Variants in ERCC6L2 observed in about 807,000 individuals in gnomAD.
ERCC6L2 encodes ERCC excision repair 6 like 2.
Under a neutral mutation model 132.0 loss-of-function variants are expected in ERCC6L2, and 77 were observed. That is an observed-to-expected ratio of 0.58 (90% CI 0.49 to 0.71). ERCC6L2 has a LOEUF of 0.71. Ranked by LOEUF, ERCC6L2 falls within the 30% of genes least tolerant of loss-of-function variation. The pLI is 0.00. For missense variants in ERCC6L2, 1,542 were observed against 1,837.6 expected, an observed-to-expected ratio of 0.84 and a Z score of 2.94; for synonymous variants, 583 against 632.4, an observed-to-expected ratio of 0.92 and a Z score of 1.17.
intron 2 of ERCC6L2, among the ~76,000 whole-genome samples, chr9:95,897,195 G>C (rs895113981): frequency 6.6e-6 from 1 of 152,122 alleles, no homozygotes; most frequent in Non-Finnish European, 1.5e-5. Context: ...TATTCAGAGA[G>C]GTTAACGCCC....
At chr9:95,981,475 C>T (rs1454036759) in intron 17 of ERCC6L2, among the ~76,000 whole-genome samples, 2 of 151,990 alleles carry the variant, frequency 1.3e-5, no homozygotes, top group Admixed American at 6.6e-5. Context: ...TTGAATTATA[C>T]CATTGTTATT....
At chr9:96,002,107 C>T (rs1303348529) in intron 17 of ERCC6L2, among the ~76,000 whole-genome samples, 1 of 152,232 alleles carries the variant, frequency 6.6e-6, no homozygotes, top group Non-Finnish European at 1.5e-5. Context: ...TCTCCCTCCA[C>T]ACCTCCCTGC....
chr9:95,933,008 G>A (rs1336835600), intron 11 of ERCC6L2, among the ~76,000 whole-genome samples: 1 of 152,160 alleles, frequency 6.6e-6, no homozygotes, highest in Non-Finnish European at 1.5e-5. Context: ...GAGAGAGAGA[G>A]TCTAGGGCCT....
intron 9 of ERCC6L2, 52 bp downstream of exon 9, chr9:95,923,431 T>C: frequency 6.3e-7 from 1 of 1,596,874 alleles, no homozygotes; most frequent in Non-Finnish European, 8.6e-7. Context: ...AAAATATTTA[T>C]TCAGTGGTAT....
At chr9:96,031,040 C>A (rs1010804789) in intron 19 of ERCC6L2, among the ~76,000 whole-genome samples, 4 of 152,208 alleles carry the variant, frequency 2.6e-5, no homozygotes, top group African/African-American at 9.7e-5. Context: ...GTCCTCGTGT[C>A]TTCCCATACC....
In ERCC6L2 at chr9:96,002,016, C is replaced by T. The variant is rs575119049; in HGVS notation, c.3493-2504C>T. On this transcript the variant is annotated intron_variant, in intron 17 of 18. Coordinates refer to ENST00000653738, the MANE Select transcript of ERCC6L2 (RefSeq NM_020207.7). Reference sequence around the variant, plus strand: ...CAGGGCTGGCTGGCTGCTCCGAGTGCGGGGCGCACCAAGCCCACGCCCACC... The same window carrying T: ...CAGGGCTGGCTGGCTGCTCCGAGTGTGGGGCGCACCAAGCCCACGCCCACC... Among the ~76,000 whole-genome samples the T allele has an allele frequency of 5.4e-4, 83 of 152,378 alleles. No homozygotes were observed. The East Asian group carries it at 7.0e-3, about 13-fold the overall frequency.
intron 17 of ERCC6L2, among the ~76,000 whole-genome samples, chr9:95,986,905 C>A (rs1339573877): frequency 6.6e-6 from 1 of 152,180 alleles, no homozygotes; most frequent in Non-Finnish European, 1.5e-5. Flanking sequence ...ACTCACAGTT[C>A]CACATGGCTG....
At chr9:95,886,480 T>A (rs1827873917) in intron 2 of ERCC6L2, among the ~76,000 whole-genome samples, 1 of 152,198 alleles carries the variant, frequency 6.6e-6, no homozygotes, top group Non-Finnish European at 1.5e-5. Flanking sequence ...ACAGAAGTAA[T>A]AATTTTCATT....
At chr9:95,982,823 C>T (rs986510578) in intron 17 of ERCC6L2, among the ~76,000 whole-genome samples, 9 of 151,966 alleles carry the variant, frequency 5.9e-5, no homozygotes, top group African/African-American at 1.5e-4. Context: ...GAATATAATA[C>T]GTCATTTGAG....
intron 1 of ERCC6L2, chr9:95,876,975 C>T (rs976072724): frequency 7.9e-5 from 12 of 152,156 alleles, no homozygotes; most frequent in African/African-American, 2.4e-4. Flanking sequence ...AATCTAGTCA[C>T]TCTTGGTATT....
At chr9:95,926,809 C>T (rs1289819503) in intron 9 of ERCC6L2, among the ~76,000 whole-genome samples, 1 of 151,994 alleles carries the variant, frequency 6.6e-6, no homozygotes, top group African/African-American at 2.4e-5. Context: ...AATATTCACT[C>T]ATCAGTTGTT....
rs1003053889 is a variant in ERCC6L2 at position 95,939,930 on chromosome 9, A to C, written c.1752-1524A>C. 3.3e-5 allele frequency among the ~76,000 whole-genome samples: 5 copies of C among 151,794 alleles called. No individual in the cohort carries two copies. In the East Asian group the frequency reaches 9.7e-4, roughly 29 times the overall value. Reference sequence around the variant, plus strand: ...TGATTTAAATCTTCCATTTTAGTACACCTCCTCTTTGACACCATGCCAGCC... The same window carrying C: ...TGATTTAAATCTTCCATTTTAGTACCCCTCCTCTTTGACACCATGCCAGCC... On this transcript the variant is annotated intron_variant, in intron 11 of 18. Transcript: ENST00000653738.
chr9:95,995,101 G>A (rs1282754558), intron 17 of ERCC6L2, among the ~76,000 whole-genome samples: 1 of 152,190 alleles, frequency 6.6e-6, no homozygotes, highest in Non-Finnish European at 1.5e-5. Context: ...TGCCTGTGAG[G>A]TAGGGGGGAA....
chr9:96,006,495 G>A (rs181831841), intron 18 of ERCC6L2, among the ~76,000 whole-genome samples: 10 of 152,122 alleles, frequency 6.6e-5, no homozygotes, highest in African/African-American at 1.2e-4. Context: ...GAAGCAGTGC[G>A]CGCGCCCTGG....
intron 13 of ERCC6L2, among the ~76,000 whole-genome samples, chr9:95,959,227 A>G (rs995598432): frequency 6.7e-6 from 1 of 149,006 alleles, no homozygotes; most frequent in African/African-American, 2.5e-5. Context: ...ATAACGCCGC[A>G]TATCTACAAC....
At chr9:95,948,791 G>GAAAAAAAAAAAAA (rs55712485) in intron 12 of ERCC6L2, among the ~76,000 whole-genome samples, 7 of 104,068 alleles carry the variant, frequency 6.7e-5, no homozygotes, top group Non-Finnish European at 1.2e-4. Flanking sequence ...CAAGACATTA[G>GAAAAAAAAAAAAA]AAAAAAAAAA....
intron 4 of ERCC6L2, among the ~76,000 whole-genome samples, chr9:95,911,939 A>G (rs904604307): frequency 3.9e-5 from 6 of 152,136 alleles, no homozygotes; most frequent in Non-Finnish European, 5.9e-5. Flanking sequence ...GCAACTTTTC[A>G]ATTTTTCTTT....
rs12001300 is a variant in ERCC6L2, at chr9:96,016,209, G to T, written c.*3006G>T. 6.6e-6 allele frequency among the ~76,000 whole-genome samples: 1 copy of T among 152,160 alleles called. No homozygotes were observed. The highest frequency in any genetic ancestry group is 2.4e-5 in the African/African-American group (1 of 41,446). Reference sequence around the variant, plus strand: ...TGATGGATTAGATCAGTGGTGGTCAGCCATTTTCTTAAAGCAACTGAACTG... The same window carrying T: ...TGATGGATTAGATCAGTGGTGGTCATCCATTTTCTTAAAGCAACTGAACTG... On this transcript the variant is annotated 3_prime_UTR_variant, in exon 19 of 19. Transcript: ENST00000653738.
Position 95,955,996 on chromosome 9 carries a change from C to A in ERCC6L2, c.1930C>A (p.Arg644=). The part of the protein sequence containing the change: ...LGTVEEIMYL[R]QIYKQQLHCV... ...AACTGTGGAGGAAATCATGTATTTA[C>A]GACAGATATACAAGCAGGTAAATAT... is the stretch of plus-strand genomic sequence containing the variant. The change falls in exon 13 of 19, where the codon CGA becomes AGA. Residue 644 remains arginine, a synonymous_variant. Transcript: ENST00000653738. The A allele has an allele frequency of 6.3e-7, 1 of 1,594,584 alleles. No individual in the cohort carries two copies. The highest frequency in any genetic ancestry group is 8.6e-7 in the Non-Finnish European group (1 of 1,168,550).
Sources: gnomAD v4.1 joint callset for allele counts (sites outside exome capture counted in the v4.1 genomes callset) on GRCh38, gnomAD v4.1.1 for gene constraint, MANE v1.5 for transcripts, NCBI Gene and HGNC (gene_info 2026-07-23, HGNC 2026-07-21) for gene names.